The following ZNF540 variants were observed in gnomAD, a reference collection of about 807,000 sequenced individuals.
ZNF540 encodes CTD-3064H18.6.
ZNF540 carries 3 observed loss-of-function variants against 11.8 expected under a neutral mutation model. That is an observed-to-expected ratio of 0.25 (90% confidence interval 0.12 to 0.65). The LOEUF (loss-of-function observed/expected upper bound fraction) is 0.65, where lower values mean the gene tolerates loss of function less well. Among genes scored for constraint, ZNF540 ranks in the 30% least tolerant of loss-of-function variants. ZNF540 has a pLI of 0.83. For missense variants in ZNF540, 709 were observed against 793.1 expected, an observed-to-expected ratio of 0.89 and a Z score of 1.27; for synonymous variants, 247 against 259.0, an observed-to-expected ratio of 0.95 and a Z score of 0.45.
chr19:37,604,124 A>G (rs1430517344), intron 4 of ZNF540, among the ~76,000 whole-genome samples: 3 of 152,018 alleles, frequency 2.0e-5, no homozygotes, highest in African/African-American at 4.8e-5. Flanking sequence ...ATAGACGTCT[A>G]TGAAATTGTT....
rs181746277 is a variant in ZNF540, at chr19:37,584,342, T to C, written c.-72-14034T>C. On this transcript the variant is annotated intron_variant, in intron 1 of 4. Transcript: ENST00000592533. ...AATTTAAAAAGCCAGATGTGTGCAG[T>C]TTCTTGATTAAAGAAAATACTGCAA... Among the ~76,000 whole-genome samples the C allele has an allele frequency of 7.5e-4, 115 of 152,330 alleles. 2 individuals carry two copies. The highest frequency in any genetic ancestry group is 1.0e-4 in the Non-Finnish European group (7 of 68,024).
At chr19:37,590,507 C>T (rs945950672), upstream of ZNF540, among the ~76,000 whole-genome samples, 22 of 152,248 alleles carry the variant, frequency 1.4e-4, no homozygotes, top group Middle Eastern at 3.4e-3. Context: ...ACAATTATTA[C>T]ATCTCTGCTA....
intron 4 of ZNF540, among the ~76,000 whole-genome samples, chr19:37,604,639 T>G (rs959724725): frequency 6.6e-6 from 1 of 152,114 alleles, no homozygotes; most frequent in Admixed American, 6.5e-5. Flanking sequence ...TCAGCTTTAT[T>G]GAGATATGAT....
At chr19:37,565,977 G>A (rs761281720) in intron 1 of ZNF540, 2 of 1,613,570 alleles carry the variant, frequency 1.2e-6, no homozygotes, top group African/African-American at 1.3e-5. Context: ...AGGCATGACA[G>A]GTAGCTGAAA....
chr19:37,595,447 T>C (rs1331954128), intron 1 of ZNF540: 5 of 152,192 alleles, frequency 3.3e-5, no homozygotes, highest in Non-Finnish European at 7.3e-5. Context: ...CTGTAAGAAA[T>C]TGATTTTTCT....
At chr19:37,596,280 T>G (rs1269637669) in intron 1 of ZNF540, among the ~76,000 whole-genome samples, 1 of 152,206 alleles carries the variant, frequency 6.6e-6, no homozygotes, top group Non-Finnish European at 1.5e-5. Context: ...TTGTGCATCA[T>G]TTTATTGCAC....
Position 37,613,157 on chromosome 19 carries a change from A to T in ZNF540, c.1877A>T (p.Gln626Leu). 2 of 1,613,918 alleles carry T rather than the reference A, an allele frequency of 1.2e-6. No individual in the cohort carries two copies. ...FRLNSHLTEH[Q>L]RIHTGEKPYE... ...CTTAATTCACACCTTACTGAACATCAGAGAATTCACACTGGTGAGAAACCC... is the reference window on the plus strand; with the variant it reads ...CTTAATTCACACCTTACTGAACATCTGAGAATTCACACTGGTGAGAAACCC... The change falls in exon 5 of 5, where the codon CAG becomes CTG. Residue 626 changes from glutamine (Q) to leucine (L), a missense_variant. Gln to Leu is a moderately radical substitution (Grantham distance 113). Transcript: ENST00000316433.
At position 37,565,103 on chromosome 19, in the gene ZNF540, G is replaced by A. The variant is rs200244064; in HGVS notation, c.-73+13438G>A. 7.9e-5 allele frequency: 127 copies of A among 1,612,166 alleles called. No individual in the cohort carries two copies. The Admixed American group carries it at 2.1e-3, about 27-fold the overall frequency. On this transcript the variant is annotated intron_variant, in intron 1 of 4. Transcript: ENST00000592533. ...CTTACATTCAAAGGGTTTCTCACCT[G>A]TATGAATTCTCTGATGTTCACTAAG...
rs2044129889 is a variant in ZNF540, at chr19:37,611,682, TAAAG to T, written c.408_411del (p.Glu136AspfsTer24). 2.5e-6 allele frequency: 4 copies of T among 1,613,932 alleles called. No homozygotes were observed. Among genetic ancestry groups the T allele is most frequent in the South Asian group, 2.2e-5 (2 of 91,068 alleles). On this transcript the variant is annotated frameshift_variant, in exon 5 of 5. Transcript: ENST00000316433. LOFTEE classifies it low-confidence loss of function (END_TRUNC). ...GTGAGTTTGAGGGTCAACAGGGACTTAAAGAAAGATCTATCAGTCAAAAGAAAAT... is the reference window on the plus strand; with the variant it reads ...GTGAGTTTGAGGGTCAACAGGGACTTAAAGATCTATCAGTCAAAAGAAAAT...
At chr19:37,553,947 A>G (rs1318658158) in intron 1 of ZNF540, among the ~76,000 whole-genome samples, 1 of 152,114 alleles carries the variant, frequency 6.6e-6, no homozygotes, top group Non-Finnish European at 1.5e-5. Flanking sequence ...CCATGTTTCC[A>G]TCTGCATTTG....
At chr19:37,596,774 G>A (rs977877981) in intron 1 of ZNF540, among the ~76,000 whole-genome samples, 25 of 151,916 alleles carry the variant, frequency 1.6e-4, no homozygotes, top group African/African-American at 6.0e-4. Flanking sequence ...ATGGCGTGAG[G>A]GCATCTATTT....
At chr19:37,593,627 CG>C (rs2043932031), upstream of ZNF540, among the ~76,000 whole-genome samples, 1 of 152,114 alleles carries the variant, frequency 6.6e-6, no homozygotes, top group African/African-American at 2.4e-5. Flanking sequence ...GGCGTGAACC[CG>C]GAAGGCGGAG....
In ZNF540 at chr19:37,580,851, C is replaced by T. The variant is rs73617156; in HGVS notation, c.-72-17525C>T. 6.0e-3 allele frequency among the ~76,000 whole-genome samples: 906 copies of T among 152,262 alleles called. 10 individuals carry two copies. The highest frequency in any genetic ancestry group is 0.021 in the African/African-American group (856 of 41,532). ...GCTTCTTGTACAACCTGCAGAACCA[C>T]GAGCCAAATAAACCTCTTGTCTGTA... On this transcript the variant is annotated intron_variant, in intron 1 of 4. Coordinates refer to the ZNF540 transcript ENST00000592533.
At chr19:37,557,126 T>C (rs780726685) in intron 1 of ZNF540, among the ~76,000 whole-genome samples, 3 of 152,218 alleles carry the variant, frequency 2.0e-5, no homozygotes, top group Non-Finnish European at 2.9e-5. Context: ...AGAAGGTGTC[T>C]ACTAGTACTA....
At chr19:37,602,374 A>G (rs1226683077) in intron 4 of ZNF540, among the ~76,000 whole-genome samples, 4 of 152,202 alleles carry the variant, frequency 2.6e-5, no homozygotes. Flanking sequence ...TGTCCAGCCA[A>G]TCAACTGACT....
chr19:37,555,867 A>T (rs1204668172), intron 1 of ZNF540: 3 of 700,352 alleles, frequency 4.3e-6, no homozygotes, highest in Non-Finnish European at 2.6e-6. Flanking sequence ...CTAGTACATA[A>T]TTTAGGACGA....
Position 37,601,071 on chromosome 19 carries a change from G to T in ZNF540, c.198G>T (p.Val66=). The T allele has an allele frequency of 6.3e-7, 1 of 1,588,158 alleles. No homozygotes were observed. Among genetic ancestry groups the T allele is most frequent in the East Asian group, 2.3e-5 (1 of 43,362 alleles). ...TGGAGCAAGGGAAAGAGCCCTGCGT[G>T]GTGGCGAGGGATGTGACAGGAAGAC... The part of the protein sequence containing the change: ...TLLEQGKEPC[V]VARDVTGRQC... The change falls in exon 4 of 5, where the codon GTG becomes GTT. Residue 66 remains valine (V), a synonymous_variant. Transcript: ENST00000316433.
chr19:37,587,596 T>A (rs2147206246), intron 1 of ZNF540, among the ~76,000 whole-genome samples: 1 of 152,146 alleles, frequency 6.6e-6, no homozygotes, highest in South Asian at 2.1e-4. Flanking sequence ...ACTGATCTTT[T>A]TTTTTTTTTT....
At chr19:37,590,659 CAAAA>C (rs928875282), upstream of ZNF540, among the ~76,000 whole-genome samples, 1 of 151,934 alleles carries the variant, frequency 6.6e-6, no homozygotes, top group African/African-American at 2.4e-5. Flanking sequence ...AATTAGCAAA[CAAAA>C]AAGCAAAATG....
Sources: allele counts gnomAD v4.1 joint callset (sites outside exome capture counted in the v4.1 genomes callset), GRCh38; gene constraint gnomAD v4.1.1; transcripts MANE v1.5; gene names NCBI Gene and HGNC (gene_info 2026-07-23, HGNC 2026-07-21).